Variants in RB1 observed in about 807,000 individuals in gnomAD.
The protein encoded by RB1 is retinoblastoma-associated protein.
Under a neutral mutation model 135.4 loss-of-function variants are expected in RB1, and 18 were observed. That is an observed-to-expected ratio of 0.13 (90% CI 0.09 to 0.20). The LOEUF is 0.20. Among genes scored for constraint, RB1 ranks in the 10% least tolerant of loss-of-function variants. The probability of loss-of-function intolerance (pLI) is 1.00; values close to 1 mark genes in which losing one functional copy is unlikely to be tolerated. For synonymous variants in RB1, 365 were observed against 373.2 expected, an observed-to-expected ratio of 0.98 and a Z score of 0.25; for missense variants, 868 against 1,110.0, an observed-to-expected ratio of 0.78 and a Z score of 3.10.
At chr13:48,372,608 G>A (rs531412688) in intron 11 of RB1, among the ~76,000 whole-genome samples, 47 of 151,140 alleles carry the variant, frequency 3.1e-4, no homozygotes, top group African/African-American at 5.1e-4. Context: ...CCAAGATTGC[G>A]CCACTGCACT....
chr13:48,407,742 T>C (rs1948752776), intron 17 of RB1, among the ~76,000 whole-genome samples: 1 of 152,216 alleles, frequency 6.6e-6, no homozygotes, highest in Non-Finnish European at 1.5e-5. Flanking sequence ...AATTCAGTTT[T>C]CAGGAAAGCC....
intron 25 of RB1, 121 bp from the exon 26 acceptor site, chr13:48,477,234 T>C: frequency 1.4e-6 from 1 of 712,768 alleles, no homozygotes. Flanking sequence ...ATTTTAAAAT[T>C]AAAAGCTACT....
chr13:48,363,934 T>A (rs1207666349), intron 8 of RB1, among the ~76,000 whole-genome samples: 2 of 152,208 alleles, frequency 1.3e-5, no homozygotes, highest in African/African-American at 4.8e-5. Flanking sequence ...TGTTTTATTG[T>A]CCACAATCAC....
At chr13:48,342,105 T>G (rs549792675) in intron 2 of RB1, among the ~76,000 whole-genome samples, 168 of 152,046 alleles carry the variant, frequency 1.1e-3, no homozygotes, top group African/African-American at 3.9e-3. Context: ...TATTTTGATT[T>G]TACAAAGACA....
At chr13:48,337,061 T>A (rs1952391568) in intron 2 of RB1, among the ~76,000 whole-genome samples, 1 of 152,220 alleles carries the variant, frequency 6.6e-6, no homozygotes, top group Non-Finnish European at 1.5e-5. Flanking sequence ...TTGTTATAAT[T>A]TCTTTTCTTT....
At chr13:48,431,010 A>G (rs1302621237) in intron 17 of RB1, among the ~76,000 whole-genome samples, 1 of 152,198 alleles carries the variant, frequency 6.6e-6, no homozygotes, top group Non-Finnish European at 1.5e-5. Flanking sequence ...AGGTTTGACT[A>G]AATAATTTTG....
At chr13:48,341,041 C>T (rs1432800320) in intron 2 of RB1, 1 of 152,064 alleles carries the variant, frequency 6.6e-6, no homozygotes, top group Non-Finnish European at 1.5e-5. Flanking sequence ...TTTTTGATCA[C>T]TCCAGAAAGT....
chr13:48,387,802 C>T (rs922611748), intron 17 of RB1, among the ~76,000 whole-genome samples: 1 of 151,888 alleles, frequency 6.6e-6, no homozygotes, highest in Admixed American at 6.6e-5. Flanking sequence ...AGATTTAACC[C>T]ACACAAACAA....
At chr13:48,312,434 A>G (rs1305277208) in intron 2 of RB1, among the ~76,000 whole-genome samples, 9 of 152,212 alleles carry the variant, frequency 5.9e-5, no homozygotes, top group African/African-American at 9.6e-5. Flanking sequence ...GTTGATTTCA[A>G]GAAAGGTTGT....
chr13:48,329,030 A>G (rs1364480509), intron 2 of RB1, among the ~76,000 whole-genome samples: 3 of 152,158 alleles, frequency 2.0e-5, no homozygotes, highest in Non-Finnish European at 2.9e-5. Flanking sequence ...CCTGATAGTC[A>G]TAATTATTGA....
At chr13:48,397,014 TG>T (rs1948654199) in intron 17 of RB1, among the ~76,000 whole-genome samples, 1 of 152,158 alleles carries the variant, frequency 6.6e-6, no homozygotes, top group Non-Finnish European at 1.5e-5. Context: ...GGAGAGGCTG[TG>T]GAGTAATAGG....
chr13:48,334,354 C>T (rs1488045228), intron 2 of RB1, among the ~76,000 whole-genome samples: 2 of 152,162 alleles, frequency 1.3e-5, no homozygotes, highest in Non-Finnish European at 2.9e-5. Context: ...AATTTTCTAG[C>T]GTCTTAGCCT....
intron 2 of RB1, chr13:48,317,932 C>T: frequency 2.3e-6 from 1 of 436,972 alleles, no homozygotes. Flanking sequence ...TTCTGAACTG[C>T]TCAGACTCCT....
intron 2 of RB1, among the ~76,000 whole-genome samples, chr13:48,312,541 A>G (rs1205456121): frequency 6.6e-6 from 1 of 152,206 alleles, no homozygotes; most frequent in Non-Finnish European, 1.5e-5. Flanking sequence ...TTACACTACC[A>G]TTTGCTTTCT....
In RB1 at chr13:48,412,871, A is replaced by G. The variant is rs547085834; in HGVS notation, c.1695+31428A>G. On this transcript the variant is annotated intron_variant, in intron 17 of 26. Transcript: ENST00000267163. ...TGCCTCAGAATGTTAAGCTTAAGTTATCAATCTTATTTTCTTTTCAGTGCA... is the reference window on the plus strand; with the variant it reads ...TGCCTCAGAATGTTAAGCTTAAGTTGTCAATCTTATTTTCTTTTCAGTGCA... 4 of 185,170 alleles carry G rather than the reference A, an allele frequency of 2.2e-5. No homozygotes were observed. In the South Asian group the frequency reaches 5.3e-4, roughly 25 times the overall value. 11.5% of individuals were successfully genotyped at this position (185,170 alleles called of 1,614,324 possible).
At chr13:48,408,577 G>T (rs1367781847) in intron 17 of RB1, 4 of 151,940 alleles carry the variant, frequency 2.6e-5, no homozygotes, top group African/African-American at 7.2e-5. Context: ...AGGTTTTTCT[G>T]AATAAAGGGG....
In RB1 at chr13:48,459,945, C is replaced by CT. The variant is rs1181191523; in HGVS notation, c.2106+115dup. 9.4e-4 allele frequency: 423 copies of CT among 451,970 alleles called. 12 individuals carry two copies. Among genetic ancestry groups the CT allele is most frequent in the African/African-American group, 2.1e-3 (55 of 25,664 alleles). 28.0% of individuals were successfully genotyped at this position (451,970 alleles called of 1,614,324 possible). ...TCTTTCTTTCTTTCTTTCTTTCTTT[C>CT]TTTCTTTTTCTTTCTTTCTTTCTCT... On this transcript the variant is annotated intron_variant, in intron 20 of 26. Transcript: ENST00000267163.
chr13:48,351,236 C>A (rs887823613), intron 6 of RB1, among the ~76,000 whole-genome samples: 2 of 152,154 alleles, frequency 1.3e-5, no homozygotes, highest in Non-Finnish European at 2.9e-5. Flanking sequence ...TGCAACCTCA[C>A]CAGTATCTGT....
At chr13:48,452,635 G>A (rs565757852) in intron 17 of RB1, among the ~76,000 whole-genome samples, 2 of 151,962 alleles carry the variant, frequency 1.3e-5, no homozygotes, top group South Asian at 2.1e-4. Context: ...TTTTGGCTTT[G>A]TTGACCAAAC....
Sources: gnomAD v4.1 joint callset for allele counts (sites outside exome capture counted in the v4.1 genomes callset) on GRCh38, gnomAD v4.1.1 for gene constraint, MANE v1.5 for transcripts, NCBI Gene and HGNC (gene_info 2026-07-23, HGNC 2026-07-21) for gene names.